Variants in DDX10 observed in about 807,000 individuals in gnomAD.
DDX10 encodes the protein probable ATP-dependent RNA helicase DDX10.
Under a neutral mutation model 104.3 loss-of-function variants are expected in DDX10, and 74 were observed. The observed-to-expected ratio is 0.71, with a 90% CI of 0.59 to 0.86. DDX10 has a LOEUF of 0.86. Ranked by LOEUF, DDX10 falls within the 40% of genes least tolerant of loss-of-function variation. DDX10 has a pLI of 0.00. For synonymous variants in DDX10, 351 were observed against 353.4 expected (o/e 0.99, Z 0.08); for missense variants, 952 against 1,040.0 (o/e 0.92, Z 1.16).
chr11:108,873,796 C>T (rs967477247), intron 16 of DDX10, among the ~76,000 whole-genome samples: 1 of 152,162 alleles, frequency 6.6e-6, no homozygotes, highest in South Asian at 2.1e-4. Flanking sequence ...CAATACAAAG[C>T]TACTTATGAG....
intron 10 of DDX10, among the ~76,000 whole-genome samples, chr11:108,711,646 G>A (rs2094284540): frequency 6.6e-6 from 1 of 152,120 alleles, no homozygotes; most frequent in African/African-American, 2.4e-5. Flanking sequence ...GTTATTTCTA[G>A]TTTAATTCCA....
intron 13 of DDX10, among the ~76,000 whole-genome samples, chr11:108,835,692 T>A (rs910776969): frequency 1.4e-4 from 21 of 152,188 alleles, no homozygotes; most frequent in African/African-American, 5.1e-4. Flanking sequence ...TCTTTTGAGG[T>A]GCCTATCAGT....
At chr11:108,743,190 T>C (rs997322081) in intron 13 of DDX10, among the ~76,000 whole-genome samples, 15 of 152,146 alleles carry the variant, frequency 9.9e-5, no homozygotes, top group African/African-American at 3.1e-4. Flanking sequence ...CACAATCAAG[T>C]AGGCTTTATC....
chr11:108,679,644 G>A, intron 6 of DDX10, 84 bp downstream of exon 6: 1 of 1,045,384 alleles, frequency 9.6e-7, no homozygotes, highest in Non-Finnish European at 1.3e-6. Flanking sequence ...CTGTTTTCTG[G>A]GAATTAAGAC....
intron 13 of DDX10, among the ~76,000 whole-genome samples, chr11:108,797,693 G>T (rs1214259390): frequency 2.6e-5 from 4 of 152,148 alleles, no homozygotes; most frequent in Non-Finnish European, 5.9e-5. Flanking sequence ...AATTTCCAGG[G>T]AGTGTAAATA....
At chr11:108,916,610 C>CAAAGAATCATTGAAGTTT (rs1246245250) in intron 16 of DDX10, among the ~76,000 whole-genome samples, 11 of 152,176 alleles carry the variant, frequency 7.2e-5, no homozygotes, top group African/African-American at 2.4e-4. Flanking sequence ...TCAAAAGAAT[C>CAAAGAATCATTGAAGTTT]AAAGAATCAT....
intron 9 of DDX10, among the ~76,000 whole-genome samples, chr11:108,700,397 T>A (rs893066996): frequency 4.6e-5 from 7 of 152,318 alleles, no homozygotes; most frequent in South Asian, 4.1e-4. Context: ...TATGCTTAGA[T>A]CTTTCTGACT....
intron 13 of DDX10, among the ~76,000 whole-genome samples, chr11:108,800,735 T>C (rs1862010015): frequency 1.3e-5 from 2 of 152,226 alleles, no homozygotes; most frequent in South Asian, 4.1e-4. Context: ...TGGGCACAAA[T>C]ATTGTTGAAC....
intron 16 of DDX10, among the ~76,000 whole-genome samples, chr11:108,887,322 C>G (rs1437670255): frequency 1.3e-5 from 2 of 151,990 alleles, no homozygotes; most frequent in East Asian, 3.9e-4. Flanking sequence ...GTACCTATTT[C>G]CAAAACAGAA....
At chr11:108,921,659 GA>G (rs1255915016) in intron 17 of DDX10, 1 of 152,204 alleles carries the variant, frequency 6.6e-6, no homozygotes, top group East Asian at 1.9e-4. Flanking sequence ...AGACCAATTG[GA>G]AAGTAGCTAT....
chr11:108,833,724 C>CT (rs1862506691), intron 13 of DDX10, among the ~76,000 whole-genome samples: 1 of 152,152 alleles, frequency 6.6e-6, no homozygotes, highest in Non-Finnish European at 1.5e-5. Context: ...TCAACTTGAC[C>CT]ACCTCACTTA....
chr11:108,755,650 T>A (rs2094343555), intron 13 of DDX10, among the ~76,000 whole-genome samples: 2 of 152,140 alleles, frequency 1.3e-5, no homozygotes, highest in East Asian at 3.9e-4. Context: ...CCCAGTTAGA[T>A]GATTTTCAGA....
intron 13 of DDX10, among the ~76,000 whole-genome samples, chr11:108,732,033 T>A (rs1343198597): frequency 1.3e-5 from 2 of 152,226 alleles, no homozygotes; most frequent in Non-Finnish European, 2.9e-5. Context: ...TTATCTTGAT[T>A]ATCTTTTTTT....
At chr11:108,694,770 C>G (rs1393052181) in intron 9 of DDX10, among the ~76,000 whole-genome samples, 2 of 152,014 alleles carry the variant, frequency 1.3e-5, no homozygotes, top group Non-Finnish European at 2.9e-5. Flanking sequence ...AGTCTCAGCT[C>G]CTTGGGAGGC....
At chr11:108,861,612 T>A (rs1862942510) in intron 16 of DDX10, among the ~76,000 whole-genome samples, 1 of 152,160 alleles carries the variant, frequency 6.6e-6, no homozygotes, top group African/African-American at 2.4e-5. Flanking sequence ...TATTTTCGGT[T>A]AGAGTTTACC....
At chr11:108,835,782 A>G (rs1425500366) in intron 13 of DDX10, among the ~76,000 whole-genome samples, 1 of 150,528 alleles carries the variant, frequency 6.6e-6, no homozygotes, top group Non-Finnish European at 1.5e-5. Context: ...AGATGAAGGG[A>G]TAGTCCCTGC....
chr11:108,738,721 C>T (rs185446810), intron 13 of DDX10, among the ~76,000 whole-genome samples: 2 of 152,230 alleles, frequency 1.3e-5, no homozygotes, highest in Non-Finnish European at 2.9e-5. Flanking sequence ...CATTTACTGA[C>T]GAAAGAGACT....
chr11:108,707,726 CAAG>C (rs2094278144), intron 10 of DDX10, among the ~76,000 whole-genome samples: 1 of 152,046 alleles, frequency 6.6e-6, no homozygotes, highest in Admixed American at 6.6e-5. Context: ...AAAGATAGAT[CAAG>C]AAGAGAAAAG....
intron 13 of DDX10, among the ~76,000 whole-genome samples, chr11:108,765,080 T>C (rs866868473): frequency 2.0e-5 from 3 of 152,204 alleles, no homozygotes; most frequent in Non-Finnish European, 2.9e-5. Context: ...AATAATATAC[T>C]GAAGAAGCCA....
Sources: allele counts gnomAD v4.1 joint callset (sites outside exome capture counted in the v4.1 genomes callset), GRCh38; gene constraint gnomAD v4.1.1; transcripts MANE v1.5; gene names NCBI Gene and HGNC (gene_info 2026-07-23, HGNC 2026-07-21).